The following TAFA2 variants were observed in gnomAD, a reference collection of about 807,000 sequenced individuals.
The protein encoded by TAFA2 is TAFA chemokine like family member 2, also known as chemokine-like protein TAFA-2.
Under a neutral mutation model 18.8 loss-of-function variants are expected in TAFA2, and 7 were observed. The observed-to-expected ratio is 0.37, with a 90% CI of 0.21 to 0.70. TAFA2 has a LOEUF of 0.70. Ranked by LOEUF, TAFA2 falls within the 30% of genes least tolerant of loss-of-function variation. The pLI, the probability that TAFA2 is intolerant of heterozygous loss-of-function variation, is 0.53. For missense variants in TAFA2, 122 were observed against 158.1 expected (o/e 0.77, Z 1.23); for synonymous variants, 60 against 54.2 (o/e 1.11, Z -0.47).
At chr12:62,220,961 G>A (rs2062757991) in intron 1 of TAFA2, among the ~76,000 whole-genome samples, 1 of 151,952 alleles carries the variant, frequency 6.6e-6, no homozygotes, top group South Asian at 2.1e-4. Context: ...AGAAAAATTA[G>A]CCGGGCATGG....
chr12:61,783,845 C>T (rs560354675), intron 2 of TAFA2, among the ~76,000 whole-genome samples: 2 of 151,672 alleles, frequency 1.3e-5, no homozygotes, highest in South Asian at 4.2e-4. Context: ...GGATAAGCAG[C>T]ATGCTCTTCA....
chr12:62,187,100 C>T (rs573921241), intron 1 of TAFA2, among the ~76,000 whole-genome samples: 1 of 152,198 alleles, frequency 6.6e-6, no homozygotes, highest in Admixed American at 6.5e-5. Flanking sequence ...TGTGCATTGA[C>T]TATGGAGGTG....
At chr12:61,764,603 A>G (rs1284016374) in intron 2 of TAFA2, among the ~76,000 whole-genome samples, 1 of 152,082 alleles carries the variant, frequency 6.6e-6, no homozygotes, top group Non-Finnish European at 1.5e-5. Context: ...CTAGATTTGG[A>G]GTTAATTTAG....
At chr12:61,824,596 T>C (rs1489801072) in intron 2 of TAFA2, among the ~76,000 whole-genome samples, 1 of 152,168 alleles carries the variant, frequency 6.6e-6, no homozygotes, top group East Asian at 1.9e-4. Context: ...CTCAGAATAC[T>C]GAAATAAAGC....
At chr12:61,789,922 T>C (rs184091409) in intron 2 of TAFA2, among the ~76,000 whole-genome samples, 38 of 151,862 alleles carry the variant, frequency 2.5e-4, no homozygotes, top group Non-Finnish European at 5.0e-4. Flanking sequence ...AAAGGAAAAC[T>C]ACAGGCCAAT....
chr12:61,756,094 C>T (rs1297033923), intron 2 of TAFA2, among the ~76,000 whole-genome samples: 1 of 152,002 alleles, frequency 6.6e-6, no homozygotes, highest in Non-Finnish European at 1.5e-5. Context: ...TATTAATCTT[C>T]CCATTGAAGA....
chr12:62,050,663 A>G (rs1441044010), intron 1 of TAFA2, among the ~76,000 whole-genome samples: 1 of 152,166 alleles, frequency 6.6e-6, no homozygotes, highest in Non-Finnish European at 1.5e-5. Context: ...TAAAAACATG[A>G]AACTCCTCCA....
intron 2 of TAFA2, among the ~76,000 whole-genome samples, chr12:61,759,700 G>A (rs528146650): frequency 2.6e-5 from 4 of 152,070 alleles, no homozygotes; most frequent in African/African-American, 7.2e-5. Context: ...TGTATTAGTC[G>A]GAGAATAAGT....
chr12:61,757,054 A>G (rs141175236), intron 2 of TAFA2, among the ~76,000 whole-genome samples: 2 of 151,748 alleles, frequency 1.3e-5, no homozygotes, highest in African/African-American at 4.9e-5. Context: ...TTCTTCCTGC[A>G]TGGGAAATCT....
At chr12:62,093,025 T>C (rs2136837222) in intron 1 of TAFA2, among the ~76,000 whole-genome samples, 1 of 152,168 alleles carries the variant, frequency 6.6e-6, no homozygotes, top group South Asian at 2.1e-4. Flanking sequence ...TTTTAGTCCA[T>C]TCGCATCTTC....
intron 1 of TAFA2, among the ~76,000 whole-genome samples, chr12:61,980,105 G>A (rs1187119858): frequency 6.6e-6 from 1 of 151,330 alleles, no homozygotes; most frequent in Non-Finnish European, 1.5e-5. Context: ...CAGATACTTC[G>A]CCCCCATAGA....
At chr12:62,129,530 G>T (rs554195867) in intron 1 of TAFA2, among the ~76,000 whole-genome samples, 1 of 152,092 alleles carries the variant, frequency 6.6e-6, no homozygotes, top group South Asian at 2.1e-4. Context: ...GGTAATGAAC[G>T]TTGACAAAGA....
chr12:61,875,029 G>A (rs1481457071), intron 1 of TAFA2, among the ~76,000 whole-genome samples: 1 of 151,998 alleles, frequency 6.6e-6, no homozygotes, highest in Non-Finnish European at 1.5e-5. Context: ...GGGCTTATAA[G>A]TCAGAAAAAC....
intron 1 of TAFA2, among the ~76,000 whole-genome samples, chr12:61,902,091 TA>T (rs750989820): frequency 0.26 from 30,529 of 116,316 alleles, 3,702 homozygotes; most frequent in Non-Finnish European, 0.31. Flanking sequence ...GCAGGAATGT[TA>T]AAAAAAAAAA....
chr12:61,864,358 A>C (rs1172157192), intron 2 of TAFA2, among the ~76,000 whole-genome samples: 1 of 149,290 alleles, frequency 6.7e-6, no homozygotes, highest in Non-Finnish European at 1.5e-5. Flanking sequence ...ATATATTTCT[A>C]TATATATATA....
At chr12:61,907,163 G>A (rs1876393476) in intron 1 of TAFA2, among the ~76,000 whole-genome samples, 1 of 152,340 alleles carries the variant, frequency 6.6e-6, no homozygotes, top group African/African-American at 2.4e-5. Context: ...AGAGCCAAAT[G>A]TTAATCACCA....
intron 1 of TAFA2, among the ~76,000 whole-genome samples, chr12:62,000,260 T>C (rs1880336252): frequency 8.6e-6 from 1 of 115,712 alleles, no homozygotes; most frequent in Admixed American, 1.1e-4. Flanking sequence ...TTCATTATCC[T>C]AACTATATTA....
chr12:61,964,122 C>G lies in TAFA2; in HGVS notation c.-1-96696G>C, dbSNP rs372906251. On this transcript the variant is annotated intron_variant, in intron 1 of 4. Transcript: ENST00000416284. The stretch of plus-strand genomic sequence containing the variant: ...CGTAAGACCTAAAACCATAAAACCC[C>G]TAGAAGAAAACCTAGGCAATACCAT... 2.7e-3 allele frequency among the ~76,000 whole-genome samples: 415 copies of G among 152,082 alleles called. 2 individuals carry two copies. The highest frequency in any genetic ancestry group is 9.3e-3 in the African/African-American group (386 of 41,510).
intron 1 of TAFA2, chr12:62,258,678 G>T (rs2062955916): frequency 7.5e-6 from 2 of 266,200 alleles, no homozygotes; most frequent in South Asian, 2.9e-5. Context: ...AATCCCTTAA[G>T]GTAGGTATTA....
Sources: gnomAD v4.1 joint callset for allele counts (sites outside exome capture counted in the v4.1 genomes callset) on GRCh38, gnomAD v4.1.1 for gene constraint, MANE v1.5 for transcripts, NCBI Gene and HGNC (gene_info 2026-07-23, HGNC 2026-07-21) for gene names.